The following CRLF3 variants were observed in gnomAD, a reference collection of about 807,000 sequenced individuals.
CRLF3 encodes the protein cytokine receptor like factor 3.
A neutral mutation model predicts 55.0 loss-of-function variants in CRLF3; 33 were observed. That is an observed-to-expected ratio of 0.60 (90% CI 0.46 to 0.80). CRLF3 has a LOEUF of 0.80. Ranked by LOEUF, CRLF3 falls within the 30% of genes least tolerant of loss-of-function variation. The pLI is 0.00. For missense variants in CRLF3, 494 were observed against 538.4 expected, an observed-to-expected ratio of 0.92 and a Z score of 0.82; for synonymous variants, 238 against 196.8, an observed-to-expected ratio of 1.21 and a Z score of -1.75.
chr17:30,808,888 C>T (rs571070581), intron 1 of CRLF3, among the ~76,000 whole-genome samples: 9 of 152,334 alleles, frequency 5.9e-5, no homozygotes, highest in South Asian at 2.1e-4. Flanking sequence ...CCACCGCACC[C>T]GGCCAAATCT....
Position 30,796,246 on chromosome 17 carries a change from T to TA in CRLF3, c.516dup (p.Lys173Ter). On this transcript the variant is annotated frameshift_variant, in exon 4 of 8. Transcript: ENST00000324238. LOFTEE classifies it high-confidence loss of function. ...GGGCGAGATGCTACTGTTCCATGCT[T>TA]AAAAATGTGGTCTTTCACTATGTTA... The TA allele has an allele frequency of 1.9e-6, 3 of 1,614,022 alleles. No individual in the cohort carries two copies. The highest frequency in any genetic ancestry group is 2.5e-6 in the Non-Finnish European group (3 of 1,179,932).
At chr17:30,822,240 C>G (rs1295104426) in intron 1 of CRLF3, among the ~76,000 whole-genome samples, 1 of 151,980 alleles carries the variant, frequency 6.6e-6, no homozygotes, top group Non-Finnish European at 1.5e-5. Flanking sequence ...TGACTGGAAC[C>G]CTAAAAATAT....
intron 1 of CRLF3, among the ~76,000 whole-genome samples, chr17:30,823,146 G>A (rs184607963): frequency 6.6e-6 from 1 of 151,902 alleles, no homozygotes; most frequent in Non-Finnish European, 1.5e-5. Flanking sequence ...GGTGGATCAC[G>A]AGGTCAGGAG....
chr17:30,797,293 A>C lies in CRLF3; in HGVS notation c.425+18T>G, dbSNP rs1971933035. The C allele has an allele frequency of 6.3e-7, 1 of 1,579,220 alleles. No individual in the cohort carries two copies. On this transcript the variant is annotated intron_variant, in intron 3 of 7. Transcript: ENST00000324238. ...TTAAATGCTTAAAAGTAAGTCAAAAAGGCACAAACTCTTTTACCTGTCCAA... is the reference window on the plus strand; with the variant it reads ...TTAAATGCTTAAAAGTAAGTCAAAACGGCACAAACTCTTTTACCTGTCCAA...
At chr17:30,794,986 C>A (rs969056372) in intron 4 of CRLF3, among the ~76,000 whole-genome samples, 4 of 152,018 alleles carry the variant, frequency 2.6e-5, no homozygotes, top group African/African-American at 7.3e-5. Flanking sequence ...TCTAAGAAGA[C>A]CTCATAATTT....
chr17:30,792,203 G>GA lies in CRLF3; in HGVS notation c.959+236dup, dbSNP rs368369655. 8.7e-3 allele frequency among the ~76,000 whole-genome samples: 1,332 copies of GA among 152,264 alleles called. 20 individuals are homozygous for GA. The highest frequency in any genetic ancestry group is 0.03 in the African/African-American group (1,254 of 41,548). ...ACCTCTACTTACCAAGAGGAAAAGA[G>GA]ATATAAACATATTAAATAACAAGCA... On this transcript the variant is annotated intron_variant, in intron 6 of 7. Transcript: ENST00000324238.
At chr17:30,816,041 T>C (rs1169942327) in intron 1 of CRLF3, among the ~76,000 whole-genome samples, 1 of 147,022 alleles carries the variant, frequency 6.8e-6, no homozygotes, top group African/African-American at 2.5e-5. Flanking sequence ...CCCAACACTC[T>C]GGGAGGCCAA....
intron 6 of CRLF3, among the ~76,000 whole-genome samples, chr17:30,788,325 C>CAAAAAA (rs780693808): frequency 5.1e-5 from 6 of 118,472 alleles, no homozygotes; most frequent in Non-Finnish European, 7.2e-5. Context: ...GACTTTGTCT[C>CAAAAAA]AAAAAAAAAA....
chr17:30,803,521 T>C (rs924123624), intron 2 of CRLF3: 1 of 193,154 alleles, frequency 5.2e-6, no homozygotes, highest in East Asian at 1.5e-4. Flanking sequence ...GTGATATAAT[T>C]TGGCTCTGTG....
rs753004094 is a variant in CRLF3 at position 30,784,130 on chromosome 17, G to A, written c.*57C>T. The A allele has an allele frequency of 4.0e-6, 6 of 1,505,218 alleles. No homozygotes were observed. The African/African-American group carries it at 4.2e-5, about 11-fold the overall frequency. 93.2% of individuals were successfully genotyped at this position (1,505,218 alleles called of 1,614,324 possible). Reference sequence around the variant, plus strand: ...TTTTTTTTAAAGCAATTACAACTACGCTGGGCTGAGGACAGCTACGTTAGA... The same window carrying A: ...TTTTTTTTAAAGCAATTACAACTACACTGGGCTGAGGACAGCTACGTTAGA... On this transcript the variant is annotated 3_prime_UTR_variant, in exon 8 of 8. Coordinates refer to ENST00000324238, the MANE Select transcript of CRLF3 (RefSeq NM_015986.4).
At chr17:30,800,614 A>C (rs1971991803) in intron 2 of CRLF3, among the ~76,000 whole-genome samples, 1 of 152,026 alleles carries the variant, frequency 6.6e-6, no homozygotes. Flanking sequence ...TCTTAAAAAA[A>C]AAAAAAACTC....
chr17:30,797,597 C>T (rs1167568014), intron 2 of CRLF3, among the ~76,000 whole-genome samples, 199 bp from the exon 3 acceptor site: 1 of 152,066 alleles, frequency 6.6e-6, no homozygotes, highest in Non-Finnish European at 1.5e-5. Flanking sequence ...AAGGGATATA[C>T]AGTGGCAACA....
At chr17:30,816,477 C>CTTCT (rs1458140660) in intron 1 of CRLF3, among the ~76,000 whole-genome samples, 7 of 145,424 alleles carry the variant, frequency 4.8e-5, no homozygotes, top group African/African-American at 2.5e-5. Context: ...TTTACTGTAT[C>CTTCT]TTCTTTCTTT....
At position 30,783,849 on chromosome 17, in the gene CRLF3, A is replaced by G. The variant is rs1422579999; in HGVS notation, c.*338T>C. 3 of 195,108 alleles carry G rather than the reference A, an allele frequency of 1.5e-5. No individual in the cohort carries two copies. The highest frequency in any genetic ancestry group is 2.6e-4 in the East Asian group (2 of 7,638). 12.1% of individuals were successfully genotyped at this position (195,108 alleles called of 1,614,324 possible). On this transcript the variant is annotated 3_prime_UTR_variant, in exon 8 of 8. Coordinates refer to ENST00000324238, the MANE Select transcript of CRLF3 (RefSeq NM_015986.4). ...ATCCTTTAAGATGATTTTAAAAATAATATTACATTAAGTTTTCCTGGTCTA... is the reference window on the plus strand; with the variant it reads ...ATCCTTTAAGATGATTTTAAAAATAGTATTACATTAAGTTTTCCTGGTCTA...
intron 2 of CRLF3, among the ~76,000 whole-genome samples, chr17:30,798,048 CAT>C (rs1484851852): frequency 6.7e-6 from 1 of 150,286 alleles, no homozygotes; most frequent in Non-Finnish European, 1.5e-5. Flanking sequence ...AAAAGAGTAT[CAT>C]ATATCAGATT....
chr17:30,794,427 C>T (rs1218533450), intron 4 of CRLF3, among the ~76,000 whole-genome samples: 1 of 152,108 alleles, frequency 6.6e-6, no homozygotes, highest in Non-Finnish European at 1.5e-5. Flanking sequence ...GGAGAAGAAA[C>T]ATAAATAGCC....
At position 30,786,299 on chromosome 17, in the gene CRLF3, G is replaced by A. The variant is rs149059458; in HGVS notation, c.960-268C>T. On this transcript the variant is annotated intron_variant, in intron 6 of 7. Transcript: ENST00000324238. ...CTGTCACCCAGGCTGAAGTGCGGTG[G>A]TGCGACCTTGGCTCACTGCAACCTC... 5.2e-3 allele frequency: 1,384 copies of A among 265,366 alleles called. 21 individuals are homozygous for A. The highest frequency in any genetic ancestry group is 0.029 in the African/African-American group (1,290 of 44,384). The allele number at this position is 265,366 out of a possible 1,614,324, so 16.4% of individuals were successfully genotyped here.
intron 1 of CRLF3, among the ~76,000 whole-genome samples, chr17:30,806,193 T>C (rs940062318): frequency 3.9e-5 from 6 of 152,190 alleles, no homozygotes; most frequent in African/African-American, 7.2e-5. Flanking sequence ...TAGTGCTCTT[T>C]GTCAATCTAA....
At position 30,805,305 on chromosome 17, in the gene CRLF3, T is replaced by C. The variant is rs554872316; in HGVS notation, c.130-1197A>G. On this transcript the variant is annotated intron_variant, in intron 1 of 7. Coordinates refer to ENST00000324238, the MANE Select transcript of CRLF3 (RefSeq NM_015986.4). ...TATACTCGCTAAAAAAAGTTATAAA[T>C]TATTATCTATACAAAGTTGTTCTTG... 1.2e-4 allele frequency among the ~76,000 whole-genome samples: 18 copies of C among 152,302 alleles called. No homozygotes were observed. The South Asian group carries it at 3.7e-3, about 32-fold the overall frequency.
Sources: allele counts gnomAD v4.1 joint callset (sites outside exome capture counted in the v4.1 genomes callset), GRCh38; gene constraint gnomAD v4.1.1; transcripts MANE v1.5; gene names NCBI Gene and HGNC (gene_info 2026-07-23, HGNC 2026-07-21).